The following NNT variants were observed in gnomAD, a reference collection of about 807,000 sequenced individuals.
NNT encodes nicotinamide nucleotide transhydrogenase, also known as NAD(P) transhydrogenase, mitochondrial.
A neutral mutation model predicts 104.8 loss-of-function variants in NNT; 50 were observed. The observed-to-expected ratio is 0.48, with a 90% CI of 0.38 to 0.60. The LOEUF (loss-of-function observed/expected upper bound fraction) is 0.60. Among genes scored for constraint, NNT ranks in the 20% least tolerant of loss-of-function variants. NNT has a pLI of 0.00. For synonymous variants in NNT, 461 were observed against 490.4 expected (o/e 0.94, Z 0.79); for missense variants, 1,131 against 1,330.7 (o/e 0.85, Z 2.33).
chr5:43,692,527 T>C (rs1742343147), intron 19 of NNT, among the ~76,000 whole-genome samples: 1 of 152,200 alleles, frequency 6.6e-6, no homozygotes, highest in African/African-American at 2.4e-5. Context: ...TTTCACCATG[T>C]TGGCCAGGCT....
chr5:43,670,664 TG>T (rs1741012376), intron 17 of NNT, among the ~76,000 whole-genome samples: 1 of 152,230 alleles, frequency 6.6e-6, no homozygotes, highest in African/African-American at 2.4e-5. Context: ...TTATAATTTC[TG>T]TTCTTTTACA....
intron 14 of NNT, among the ~76,000 whole-genome samples, chr5:43,655,266 C>T (rs1026099335): frequency 2.0e-5 from 3 of 152,100 alleles, no homozygotes; most frequent in East Asian, 1.9e-4. Context: ...GGAAGAGGCA[C>T]GCATTGATGC....
At chr5:43,642,621 TAGA>T (rs1288549424) in intron 7 of NNT, among the ~76,000 whole-genome samples, 1 of 152,126 alleles carries the variant, frequency 6.6e-6, no homozygotes, top group South Asian at 2.1e-4. Context: ...GTGGCTGAAA[TAGA>T]AGAAGGTCCA....
intron 17 of NNT, among the ~76,000 whole-genome samples, chr5:43,670,237 T>G (rs1740978838): frequency 6.6e-6 from 1 of 152,178 alleles, no homozygotes; most frequent in Non-Finnish European, 1.5e-5. Context: ...AACCAGCTCC[T>G]GGATTCATTG....
In NNT at chr5:43,665,815, C is replaced by A. The variant is rs1350565120; in HGVS notation, c.2634+6465C>A. On this transcript the variant is annotated intron_variant, in intron 17 of 21. Coordinates refer to ENST00000344920, the MANE Select transcript of NNT (RefSeq NM_182977.3). Reference sequence around the variant, plus strand: ...CAGACGGGGCAGCCAGGCAGAGGCGCACCCCACCTCCTGGACGGGGTGGCT... The same window carrying A: ...CAGACGGGGCAGCCAGGCAGAGGCGAACCCCACCTCCTGGACGGGGTGGCT... 3.4e-4 allele frequency among the ~76,000 whole-genome samples: 33 copies of A among 98,150 alleles called. 8 individuals carry two copies. Among genetic ancestry groups the A allele is most frequent in the Admixed American group, 5.2e-4 (5 of 9,592 alleles). 64.4% of individuals were successfully genotyped at this position (98,150 alleles called of 152,430 possible).
intron 10 of NNT, 26 bp from the exon 11 acceptor site, chr5:43,649,121 A>T: frequency 6.2e-7 from 1 of 1,612,870 alleles, no homozygotes; most frequent in Non-Finnish European, 8.5e-7. Context: ...GTCAGCTCAA[A>T]CACACTCTTT....
intron 4 of NNT, among the ~76,000 whole-genome samples, chr5:43,616,444 GTTAAA>G (rs369569797): frequency 1.2e-3 from 189 of 152,270 alleles, no homozygotes; most frequent in African/African-American, 4.5e-3. Context: ...ATTTCATGTG[GTTAAA>G]TTAATATGCA....
chr5:43,686,984 A>G (rs1352861121), intron 19 of NNT, among the ~76,000 whole-genome samples: 3 of 152,176 alleles, frequency 2.0e-5, no homozygotes, highest in East Asian at 3.8e-4. Context: ...TTCTCTAAAA[A>G]GAGACATAGA....
rs1184239541 is a variant in NNT at position 43,650,488 on chromosome 5, G to A, written c.1618G>A (p.Val540Ile). The A allele has an allele frequency of 1.2e-6, 2 of 1,613,748 alleles. No individual in the cohort carries two copies. Among genetic ancestry groups the A allele is most frequent in the Admixed American group, 1.7e-5 (1 of 60,002 alleles). ...VTNAISGLTA[V>I]GGLALMGGHL... is the part of the protein sequence containing the mutation. Reference sequence around the variant, plus strand: ...TGCTTTCTTTCTAGGGCTGACTGCAGTTGGTGGGTTGGCACTGATGGGAGG... The same window carrying A: ...TGCTTTCTTTCTAGGGCTGACTGCAATTGGTGGGTTGGCACTGATGGGAGG... The change falls in exon 12 of 22, where the codon GTT becomes ATT. Residue 540 changes from valine to isoleucine, a missense_variant. Coordinates refer to ENST00000344920, the MANE Select transcript of NNT (RefSeq NM_182977.3).
intron 21 of NNT, among the ~76,000 whole-genome samples, chr5:43,703,043 G>A (rs376365419): frequency 1.4e-4 from 21 of 152,174 alleles, no homozygotes; most frequent in African/African-American, 4.8e-4. Context: ...ATTCCAGATC[G>A]AGTCCTGTGA....
At chr5:43,700,615 G>A (rs541047788) in intron 20 of NNT, among the ~76,000 whole-genome samples, 2 of 152,134 alleles carry the variant, frequency 1.3e-5, no homozygotes, top group African/African-American at 2.4e-5. Flanking sequence ...ATAATTTAGT[G>A]TCTGATTCTT....
intron 17 of NNT, among the ~76,000 whole-genome samples, chr5:43,670,959 G>A (rs968864075): frequency 2.0e-5 from 3 of 152,120 alleles, no homozygotes; most frequent in Non-Finnish European, 4.4e-5. Flanking sequence ...TTATGAATCC[G>A]GGTGCCCCTG....
chr5:43,613,153 T>C lies in NNT; in HGVS notation c.381+16T>C, dbSNP rs937984791. Reference sequence around the variant, plus strand: ...GGTGGTCAAAGTAATTATTCCTTTTTCCTCTCCCATTTACAGCATGCTGAC... The same window carrying C: ...GGTGGTCAAAGTAATTATTCCTTTTCCCTCTCCCATTTACAGCATGCTGAC... On this transcript the variant is annotated intron_variant, in intron 3 of 21. Transcript: ENST00000344920. 7.6e-6 allele frequency: 12 copies of C among 1,585,680 alleles called. No homozygotes were observed. Among genetic ancestry groups the C allele is most frequent in the African/African-American group, 2.7e-5 (2 of 74,146 alleles).
At chr5:43,604,954 G>A (rs1228817162) in intron 1 of NNT, among the ~76,000 whole-genome samples, 2 of 152,104 alleles carry the variant, frequency 1.3e-5, no homozygotes, top group Non-Finnish European at 2.9e-5. Flanking sequence ...TTATAGGCGT[G>A]AGCCACCACC....
chr5:43,653,129 C>G lies in NNT; in HGVS notation c.1975C>G (p.Leu659Val), dbSNP rs781483983. The change falls in exon 14 of 22, where the codon CTG (leucine) becomes GTG (valine). Residue 659 changes from leucine to valine, a missense_variant. Physicochemically the swap from Leu to Val is conservative, Grantham distance 32 (BLOSUM62 1). Transcript: ENST00000344920. ...GGGCATGATTGGGGTTGCTGGAGGACTGGCAGCCACCCTCGGAGTCCTAAA... is the reference window on the plus strand; with the variant it reads ...GGGCATGATTGGGGTTGCTGGAGGAGTGGCAGCCACCCTCGGAGTCCTAAA... The part of the protein sequence containing the change: ...ALGMIGVAGG[L>V]AATLGVLKPG... The G allele has an allele frequency of 6.2e-7, 1 of 1,614,142 alleles. No homozygotes were observed. Among genetic ancestry groups the G allele is most frequent in the East Asian group, 2.2e-5 (1 of 44,868 alleles).
At chr5:43,648,374 A>T (rs1739564964) in intron 10 of NNT, 2 of 260,380 alleles carry the variant, frequency 7.7e-6, no homozygotes, top group Non-Finnish European at 6.2e-6. Context: ...ACCACTAGGT[A>T]ACACTTTCTT....
At chr5:43,651,916 C>T (rs761607100) in intron 13 of NNT, 32 bp downstream of exon 13, 3 of 1,599,842 alleles carry the variant, frequency 1.9e-6, no homozygotes, top group Admixed American at 1.7e-5. Context: ...TTTATATTTA[C>T]CACAATATTT....
At chr5:43,605,109 G>A (rs796346796) in intron 1 of NNT, among the ~76,000 whole-genome samples, 5 of 152,288 alleles carry the variant, frequency 3.3e-5, no homozygotes, top group African/African-American at 1.2e-4. Context: ...TTAAATATCT[G>A]TGGTATCCTC....
Position 43,619,575 on chromosome 5 carries a change from G to T in NNT, c.687+456G>T, listed in dbSNP as rs965271169. ...GTGTAATCAGAGTATTTGGCAGAGAGAAATGGTGCCAGTTTCTTTAATCCA... is the reference window on the plus strand; with the variant it reads ...GTGTAATCAGAGTATTTGGCAGAGATAAATGGTGCCAGTTTCTTTAATCCA... On this transcript the variant is annotated intron_variant, in intron 5 of 21. Transcript: ENST00000344920. 2.0e-5 allele frequency among the ~76,000 whole-genome samples: 3 copies of T among 152,166 alleles called. No homozygotes were observed. In the South Asian group the frequency reaches 6.2e-4, roughly 31 times the overall value.
Sources: allele counts gnomAD v4.1 joint callset (sites outside exome capture counted in the v4.1 genomes callset), GRCh38; gene constraint gnomAD v4.1.1; transcripts MANE v1.5; gene names NCBI Gene and HGNC (gene_info 2026-07-23, HGNC 2026-07-21).